CTNND2: variants seen among roughly 807,000 people sequenced by gnomAD.
CTNND2 encodes catenin delta 2, also known as catenin delta-2.
In CTNND2, 22 loss-of-function variants were observed where a neutral mutation model predicts 144.4. That is an observed-to-expected ratio of 0.15 (90% CI 0.11 to 0.22). The LOEUF (loss-of-function observed/expected upper bound fraction) is 0.22. CTNND2 is among the 10% of genes least tolerant of loss of function. The pLI, the probability that CTNND2 is intolerant of heterozygous loss-of-function variation, is 1.00. For missense variants in CTNND2, 1,353 were observed against 1,618.8 expected (o/e 0.84, Z 2.82); for synonymous variants, 751 against 695.6 (o/e 1.08, Z -1.25).
rs542339021 is a variant in CTNND2 at position 11,597,727 on chromosome 5, C to A, written c.175-32671G>T. ...TAGATGGGACTACAGGTGTGGTCCA[C>A]CATGCCCAGCTAATTTTTGTATTAT... On this transcript the variant is annotated intron_variant, in intron 2 of 21. Transcript: ENST00000304623. Among the ~76,000 whole-genome samples the A allele has an allele frequency of 2.6e-5, 4 of 152,170 alleles. No homozygotes were observed. In the East Asian group the frequency reaches 7.8e-4, roughly 29 times the overall value.
chr5:11,585,912 T>C (rs1406348798), intron 2 of CTNND2, among the ~76,000 whole-genome samples: 1 of 152,062 alleles, frequency 6.6e-6, no homozygotes, highest in Non-Finnish European at 1.5e-5. Context: ...ATCCAAGTTC[T>C]AGGGGCATGT....
chr5:11,547,847 T>G (rs938096564), intron 3 of CTNND2, among the ~76,000 whole-genome samples: 4 of 152,162 alleles, frequency 2.6e-5, no homozygotes, highest in Non-Finnish European at 5.9e-5. Context: ...TGGAGAGAAG[T>G]TGAGGATGTT....
At chr5:11,624,748 A>T (rs1245197138) in intron 2 of CTNND2, among the ~76,000 whole-genome samples, 2 of 152,116 alleles carry the variant, frequency 1.3e-5, no homozygotes. Flanking sequence ...GAAAATTAAC[A>T]GTTGGAACCC....
chr5:11,304,972 G>A (rs114239115), intron 9 of CTNND2, among the ~76,000 whole-genome samples: 292 of 141,188 alleles, frequency 2.1e-3, no homozygotes, highest in East Asian at 8.7e-3. Flanking sequence ...TTGCTTGCTT[G>A]CTGAATGAAT....
At chr5:11,726,330 A>T (rs932836205) in intron 2 of CTNND2, among the ~76,000 whole-genome samples, 1 of 152,190 alleles carries the variant, frequency 6.6e-6, no homozygotes, top group Non-Finnish European at 1.5e-5. Flanking sequence ...AATACTCCTC[A>T]TAGAAGGTTA....
rs1472686110 is a variant in CTNND2, at chr5:10,972,987, A to G, written c.*466T>C. The G allele has an allele frequency of 6.5e-6, 1 of 154,048 alleles. No homozygotes were observed. The highest frequency in any genetic ancestry group is 2.4e-5 in the African/African-American group (1 of 41,534). 9.5% of individuals were successfully genotyped at this position (154,048 alleles called of 1,614,324 possible). A position where few individuals can be genotyped will look rare whatever the true frequency, so the allele number is the denominator to read the frequency against. On this transcript the variant is annotated 3_prime_UTR_variant, in exon 22 of 22. Coordinates refer to ENST00000304623, the MANE Select transcript of CTNND2 (RefSeq NM_001332.4). ...ACAATGCATTAACAAAAGGCAAGAA[A>G]CATCTTGCTGTACAGAGGAACCCCA...
intron 2 of CTNND2, among the ~76,000 whole-genome samples, chr5:11,722,587 GA>G (rs1786749988): frequency 6.6e-6 from 1 of 152,202 alleles, no homozygotes; most frequent in Non-Finnish European, 1.5e-5. Context: ...GGAGGCCTCA[GA>G]AAACTTACAA....
chr5:11,077,294 A>C (rs903924274), intron 16 of CTNND2, among the ~76,000 whole-genome samples: 1 of 152,160 alleles, frequency 6.6e-6, no homozygotes, highest in Non-Finnish European at 1.5e-5. Context: ...TATATATTAG[A>C]AGGTAATTGG....
intron 1 of CTNND2, among the ~76,000 whole-genome samples, chr5:11,824,999 T>C (rs1489750615): frequency 6.6e-6 from 1 of 152,190 alleles, no homozygotes; most frequent in African/African-American, 2.4e-5. Context: ...GCTAAACTAC[T>C]GGATTATTGA....
chr5:11,323,237 G>GA (rs1162019037), intron 9 of CTNND2, among the ~76,000 whole-genome samples: 2 of 146,406 alleles, frequency 1.4e-5, no homozygotes, highest in Non-Finnish European at 1.5e-5. Context: ...AGATTGGGGG[G>GA]GGGGGTCTCA....
chr5:11,318,417 A>T (rs1751710978), intron 9 of CTNND2, among the ~76,000 whole-genome samples: 2 of 152,292 alleles, frequency 1.3e-5, no homozygotes, highest in East Asian at 3.9e-4. Flanking sequence ...GTGGGCACTC[A>T]GCCCTGTGTG....
intron 13 of CTNND2, among the ~76,000 whole-genome samples, chr5:11,112,457 C>G (rs145947617): frequency 7.7e-4 from 118 of 152,306 alleles, no homozygotes; most frequent in Non-Finnish European, 1.6e-3. Flanking sequence ...CCAAGAGCCT[C>G]AAGAAGGTAA....
At chr5:10,993,691 C>A (rs1298216147) in intron 18 of CTNND2, among the ~76,000 whole-genome samples, 2 of 151,998 alleles carry the variant, frequency 1.3e-5, no homozygotes, top group Non-Finnish European at 2.9e-5. Flanking sequence ...ACAGTTAGCA[C>A]CTAGTAAGTA....
At chr5:11,202,374 A>AT (rs1737539338) in intron 10 of CTNND2, among the ~76,000 whole-genome samples, 2 of 152,220 alleles carry the variant, frequency 1.3e-5, no homozygotes, top group Admixed American at 6.5e-5. Flanking sequence ...AATTAATGCC[A>AT]TATACCCAAA....
At chr5:11,249,355 T>C (rs28709749) in intron 9 of CTNND2, among the ~76,000 whole-genome samples, 200 of 152,300 alleles carry the variant, frequency 1.3e-3, no homozygotes, top group African/African-American at 4.3e-3. Context: ...CCATGGGACA[T>C]ATCAGTAAGA....
chr5:11,699,697 G>A (rs1210397614), intron 2 of CTNND2, among the ~76,000 whole-genome samples: 4 of 152,074 alleles, frequency 2.6e-5, no homozygotes, highest in Admixed American at 2.6e-4. Flanking sequence ...TCTTCTTATT[G>A]CCATCTCTTT....
intron 9 of CTNND2, among the ~76,000 whole-genome samples, chr5:11,301,427 T>C (rs1254891739): frequency 6.6e-6 from 1 of 152,136 alleles, no homozygotes. Context: ...CCAACGTGTG[T>C]GTGTGATTCC....
In CTNND2 at chr5:11,710,052, C is replaced by G. The variant is rs1050007072; in HGVS notation, c.174+22084G>C. Among the ~76,000 whole-genome samples the G allele has an allele frequency of 2.0e-5, 3 of 152,032 alleles. 1 individual carries two copies. In the South Asian group the frequency reaches 6.2e-4, roughly 32 times the overall value. On this transcript the variant is annotated intron_variant, in intron 2 of 21. Transcript: ENST00000304623. ...AGAGATTAACTTAAACCCACAGAGA[C>G]ATTTCAATGTAGTGAGGGAGAGGTG...
At chr5:11,684,590 T>C (rs1160389173) in intron 2 of CTNND2, among the ~76,000 whole-genome samples, 1 of 152,252 alleles carries the variant, frequency 6.6e-6, no homozygotes, top group Non-Finnish European at 1.5e-5. Context: ...TTAAGTCATA[T>C]ATCCAGTCAG....
Sources: allele counts gnomAD v4.1 joint callset (sites outside exome capture counted in the v4.1 genomes callset), GRCh38; gene constraint gnomAD v4.1.1; transcripts MANE v1.5; gene names NCBI Gene and HGNC (gene_info 2026-07-23, HGNC 2026-07-21).